Variants in ARID4B observed in about 807,000 individuals in gnomAD.
ARID4B encodes AT-rich interaction domain 4B.
A neutral mutation model predicts 147.5 loss-of-function variants in ARID4B; 26 were observed. The ratio of observed to expected loss-of-function variants is 0.18; its 90% CI spans 0.13 to 0.24. The LOEUF (loss-of-function observed/expected upper bound fraction) is 0.24. Ranked by LOEUF, ARID4B falls within the 10% of genes least tolerant of loss-of-function variation. ARID4B has a pLI of 1.00. For missense variants in ARID4B, 1,179 were observed against 1,511.5 expected, an observed-to-expected ratio of 0.78 and a Z score of 3.65; for synonymous variants, 512 against 507.9, an observed-to-expected ratio of 1.01 and a Z score of -0.11.
At chr1:235,288,176 G>A (rs1382667172) in intron 2 of ARID4B, among the ~76,000 whole-genome samples, 2 of 152,136 alleles carry the variant, frequency 1.3e-5, no homozygotes, top group Non-Finnish European at 2.9e-5. Context: ...GCCAGGCGTG[G>A]TGGTGGGCAC....
chr1:235,174,871 C>G (rs959679488), intron 22 of ARID4B, among the ~76,000 whole-genome samples: 1 of 149,724 alleles, frequency 6.7e-6, no homozygotes, highest in Non-Finnish European at 1.5e-5. Flanking sequence ...TTTGGGAGGC[C>G]GAGGCGGGCG....
At chr1:235,218,514 T>TAG (rs1667240148) in intron 16 of ARID4B, among the ~76,000 whole-genome samples, 1 of 152,196 alleles carries the variant, frequency 6.6e-6, no homozygotes, top group Non-Finnish European at 1.5e-5. Context: ...AGCAGTACTT[T>TAG]AAACATACAC....
chr1:235,238,736 G>A (rs527583025), intron 8 of ARID4B, among the ~76,000 whole-genome samples: 52 of 152,102 alleles, frequency 3.4e-4, no homozygotes, highest in African/African-American at 1.2e-3. Context: ...TCCACCTGTA[G>A]TGTGAGCTAC....
chr1:235,200,935 T>G (rs186592462), intron 17 of ARID4B, among the ~76,000 whole-genome samples: 3 of 151,980 alleles, frequency 2.0e-5, no homozygotes, highest in Non-Finnish European at 1.5e-5. Flanking sequence ...CAAGATCAGG[T>G]GTTCAACACC....
chr1:235,302,741 T>C (rs1464196169), intron 2 of ARID4B, among the ~76,000 whole-genome samples: 1 of 152,194 alleles, frequency 6.6e-6, no homozygotes, highest in African/African-American at 2.4e-5. Flanking sequence ...GTAGAGGCCA[T>C]GCTAAATGCT....
intron 8 of ARID4B, among the ~76,000 whole-genome samples, chr1:235,234,904 C>T (rs1668461323): frequency 6.6e-6 from 1 of 152,150 alleles, no homozygotes; most frequent in Non-Finnish European, 1.5e-5. Flanking sequence ...AATCTAACAT[C>T]TTTGTTGAAA....
rs1571939415 is a variant in ARID4B at position 235,193,186 on chromosome 1, T to G, written c.2125+827A>C. ...CTAAGACAGGCCAATTGCTTGAGCC[T>G]AGGAGCTCGAGACGAGCCTGGTCAA... On this transcript the variant is annotated intron_variant, in intron 19 of 23. Transcript: ENST00000264183. Among the ~76,000 whole-genome samples the G allele has an allele frequency of 2.0e-5, 3 of 151,940 alleles. No individual in the cohort carries two copies. The South Asian group carries it at 6.2e-4, about 32-fold the overall frequency.
chr1:235,282,319 G>A (rs1220804422), intron 2 of ARID4B, among the ~76,000 whole-genome samples: 1 of 152,174 alleles, frequency 6.6e-6, no homozygotes, highest in Non-Finnish European at 1.5e-5. Context: ...ATTCCTCAGC[G>A]CTGTCTCTAA....
At chr1:235,326,037 C>T (rs571546016) in intron 2 of ARID4B, among the ~76,000 whole-genome samples, 1 of 152,034 alleles carries the variant, frequency 6.6e-6, no homozygotes, top group Non-Finnish European at 1.5e-5. Flanking sequence ...ACACTCTACC[C>T]TTTTCAAGCA....
chr1:235,170,920 A>T (rs1571882697), intron 23 of ARID4B, among the ~76,000 whole-genome samples: 1 of 150,800 alleles, frequency 6.6e-6, no homozygotes, highest in African/African-American at 2.4e-5. Flanking sequence ...CAAAAAAAAA[A>T]AAAAAAAAAA....
chr1:235,324,754 C>T (rs1405389923), intron 2 of ARID4B, among the ~76,000 whole-genome samples: 4 of 152,098 alleles, frequency 2.6e-5, no homozygotes, highest in South Asian at 2.1e-4. Flanking sequence ...CTGGGCAACA[C>T]GGCAAAACCT....
rs375182095 is a variant in ARID4B at position 235,181,922 on chromosome 1, T to C, written c.2997A>G (p.Glu999=). The C allele has an allele frequency of 3.1e-6, 5 of 1,614,210 alleles. No homozygotes were observed. The South Asian group carries it at 5.5e-5, about 18-fold the overall frequency. ...TTCTGTCATTGACCTCTACTGTTTT[T>C]TCTTCAATGGGTTTACTATCGACAT... ...PVNVDSKPIE[E]KTVEVNDRKA... is the part of the protein sequence containing the mutation. Residue 999 remains glutamate (E), a synonymous_variant, in exon 20 of 24, where the codon GAA becomes GAG. Coordinates refer to ENST00000264183, the MANE Select transcript of ARID4B (RefSeq NM_016374.6).
At chr1:235,188,039 T>C (rs1664811586) in intron 19 of ARID4B, among the ~76,000 whole-genome samples, 1 of 152,132 alleles carries the variant, frequency 6.6e-6, no homozygotes, top group Non-Finnish European at 1.5e-5. Context: ...AATATGTTAA[T>C]GATCCCATCT....
At position 235,213,635 on chromosome 1, in the gene ARID4B, A is replaced by T. The variant is rs977431609; in HGVS notation, c.1841+134T>A. ...ACTAAGTGAGGTATTTACATGCTAA[A>T]AACTATTTTTTATAAGGTACTATGA... On this transcript the variant is annotated intron_variant, in intron 17 of 23. Coordinates refer to ENST00000264183, the MANE Select transcript of ARID4B (RefSeq NM_016374.6). 10 of 972,480 alleles carry T rather than the reference A, an allele frequency of 1.0e-5. No homozygotes were observed. In the African/African-American group the frequency reaches 1.7e-4, roughly 16 times the overall value. The allele number at this position is 972,480 out of a possible 1,614,324, so 60.2% of individuals were successfully genotyped here.
chr1:235,181,946 A>C lies in ARID4B; in HGVS notation c.2973T>G (p.Asn991Lys). 6.2e-7 allele frequency: 1 copy of C among 1,614,010 alleles called. No homozygotes were observed. The highest frequency in any genetic ancestry group is 8.5e-7 in the Non-Finnish European group (1 of 1,179,980). ...TTTCTTCAATGGGTTTACTATCGAC[A>C]TTGACTGGAGGTGGTTTTTCTAGTT... ...SVELEKPPPV[N>K]VDSKPIEEKT... Residue 991 changes from asparagine (N) to lysine (K), a missense_variant, in exon 20 of 24, where the codon AAT becomes AAG. Physicochemically the swap from Asn to Lys is moderately conservative, Grantham distance 94. Transcript: ENST00000264183.
intron 6 of ARID4B, among the ~76,000 whole-genome samples, chr1:235,246,953 A>G (rs1007098516): frequency 2.6e-5 from 4 of 152,224 alleles, no homozygotes; most frequent in African/African-American, 9.6e-5. Flanking sequence ...TTAATTATGA[A>G]GATAAAGCAT....
chr1:235,297,575 T>C (rs1485668609), intron 2 of ARID4B, among the ~76,000 whole-genome samples: 1 of 152,162 alleles, frequency 6.6e-6, no homozygotes, highest in Non-Finnish European at 1.5e-5. Context: ...TGTGTGAAAG[T>C]TGATAAGAAC....
intron 2 of ARID4B, among the ~76,000 whole-genome samples, chr1:235,317,853 C>A (rs1383169253): frequency 6.6e-6 from 1 of 152,104 alleles, no homozygotes; most frequent in Non-Finnish European, 1.5e-5. Flanking sequence ...TTTTAAATGT[C>A]CAACTCCTTG....
intron 2 of ARID4B, among the ~76,000 whole-genome samples, chr1:235,289,072 C>T (rs1672163924): frequency 6.6e-6 from 1 of 152,140 alleles, no homozygotes; most frequent in Admixed American, 6.5e-5. Context: ...CCAAATTCAT[C>T]CAATAGCTAT....
Sources: allele counts gnomAD v4.1 joint callset (sites outside exome capture counted in the v4.1 genomes callset), GRCh38; gene constraint gnomAD v4.1.1; transcripts MANE v1.5; gene names NCBI Gene and HGNC (gene_info 2026-07-23, HGNC 2026-07-21).